Variants in CAST observed in about 807,000 individuals in gnomAD.
CAST encodes the protein MIR583 host.
A neutral mutation model predicts 119.6 loss-of-function variants in CAST; 76 were observed. The ratio of observed to expected loss-of-function variants is 0.64; its 90% confidence interval spans 0.53 to 0.77. The LOEUF (loss-of-function observed/expected upper bound fraction) is 0.77, where lower values mean the gene tolerates loss of function less well. Ranked by LOEUF, CAST falls within the 30% of genes least tolerant of loss-of-function variation. CAST has a pLI of 0.00. For synonymous variants in CAST, 319 were observed against 331.6 expected, an observed-to-expected ratio of 0.96 and a Z score of 0.41; for missense variants, 953 against 946.5, an observed-to-expected ratio of 1.01 and a Z score of -0.09.
chr5:96,081,081 A>G, the CAST span, among the ~76,000 whole-genome samples: 6 of 152,230 alleles, frequency 3.9e-5, no homozygotes, highest in South Asian at 2.1e-4. Flanking sequence ...GATGACTGGG[A>G]TAAATCACCC....
the CAST span, among the ~76,000 whole-genome samples, chr5:96,454,304 A>T: frequency 2.0e-5 from 3 of 152,230 alleles, no homozygotes. Flanking sequence ...TCAAATAACC[A>T]GTCCAAGGTC....
At chr5:96,415,413 A>C in the CAST span, among the ~76,000 whole-genome samples, 2 of 152,200 alleles carry the variant, frequency 1.3e-5, no homozygotes, top group Non-Finnish European at 1.5e-5. Context: ...TTGAGGCTAA[A>C]GGTGATAACA....
At chr5:96,644,745 C>T (rs987926486) in intron 1 of CAST, among the ~76,000 whole-genome samples, 7 of 152,160 alleles carry the variant, frequency 4.6e-5, no homozygotes, top group African/African-American at 1.2e-4. Context: ...GAGGGTGAGG[C>T]GAGTGGACCA....
At chr5:96,554,402 A>T (rs1296216667) in intron 1 of CAST, among the ~76,000 whole-genome samples, 1 of 152,184 alleles carries the variant, frequency 6.6e-6, no homozygotes, top group African/African-American at 2.4e-5. Flanking sequence ...ACAAAAATCA[A>T]CTCAAGATGG....
At chr5:96,629,736 C>A (rs532976722) in intron 1 of CAST, among the ~76,000 whole-genome samples, 1 of 152,214 alleles carries the variant, frequency 6.6e-6, no homozygotes, top group Non-Finnish European at 1.5e-5. Flanking sequence ...GGTTTGTTCA[C>A]CTCCCACCTT....
At chr5:95,986,167 C>T in the CAST span, 1 of 152,188 alleles carries the variant, frequency 6.6e-6, no homozygotes, top group Admixed American at 6.5e-5. Context: ...TATTTGCTAC[C>T]ATCATACTTG....
intron 2 of CAST, among the ~76,000 whole-genome samples, chr5:96,682,378 G>A (rs997046273): frequency 1.3e-5 from 2 of 152,064 alleles, no homozygotes; most frequent in African/African-American, 2.4e-5. Flanking sequence ...TGGTTTCTTT[G>A]TGTCCCCTTC....
At chr5:96,564,926 T>G (rs2150185624) in intron 1 of CAST, among the ~76,000 whole-genome samples, 1 of 152,306 alleles carries the variant, frequency 6.6e-6, no homozygotes, top group South Asian at 2.1e-4. Flanking sequence ...AGTCACCTAT[T>G]CTGCGAAGTA....
rs1375221095 is a variant in CAST at position 96,754,098 on chromosome 5, T to A, written c.1563T>A (p.Ala521=). 6.2e-7 allele frequency: 1 copy of A among 1,613,808 alleles called. No homozygotes were observed. The highest frequency in any genetic ancestry group is 2.2e-5 in the East Asian group (1 of 44,894). The change falls in exon 21 of 32, where the codon GCT becomes GCA. Residue 521 remains alanine, a synonymous_variant. Coordinates refer to ENST00000675179, the MANE Select transcript of CAST (RefSeq NM_001750.7). The part of the protein sequence containing the change: ...TVPDDAVEAL[A]DSLGKKEADP... The stretch of plus-strand genomic sequence containing the variant: ...CAGATGATGCTGTAGAAGCCTTGGC[T>A]GATAGCCTGGGGAAAAAGGAAGCAG...
At chr5:96,014,224 G>A in the CAST span, among the ~76,000 whole-genome samples, 15 of 150,862 alleles carry the variant, frequency 9.9e-5, no homozygotes, top group African/African-American at 3.4e-4. Context: ...GCCTACACGG[G>A]GTCAGGATCA....
chr5:96,707,028 G>A (rs1250101027), intron 3 of CAST, among the ~76,000 whole-genome samples: 2 of 152,182 alleles, frequency 1.3e-5, no homozygotes, highest in Admixed American at 6.5e-5. Flanking sequence ...TCAACCCGAG[G>A]TGCAAAAGTG....
At chr5:96,323,280 C>A in the CAST span, among the ~76,000 whole-genome samples, 1 of 152,184 alleles carries the variant, frequency 6.6e-6, no homozygotes, top group African/African-American at 2.4e-5. Flanking sequence ...ACCTAACCAC[C>A]AGAGTGTCTG....
intron 1 of CAST, among the ~76,000 whole-genome samples, chr5:96,549,404 T>A (rs1746082464): frequency 1.3e-5 from 2 of 152,294 alleles, no homozygotes. Flanking sequence ...TAAAAATAAA[T>A]AAATGTTTAA....
chr5:95,995,392 T>A, the CAST span, among the ~76,000 whole-genome samples: 2 of 152,140 alleles, frequency 1.3e-5, no homozygotes, highest in African/African-American at 4.8e-5. Flanking sequence ...AACTTTAATA[T>A]GATTCATGTA....
At chr5:96,615,994 A>G (rs1747448771) in intron 1 of CAST, among the ~76,000 whole-genome samples, 1 of 152,134 alleles carries the variant, frequency 6.6e-6, no homozygotes, top group Admixed American at 6.5e-5. Flanking sequence ...CAGGAGAAAG[A>G]TGTAGGCTAG....
chr5:96,351,790 A>G, the CAST span, among the ~76,000 whole-genome samples: 1 of 152,196 alleles, frequency 6.6e-6, no homozygotes, highest in Non-Finnish European at 1.5e-5. Flanking sequence ...TACTGCTATA[A>G]AAATGATCAA....
At chr5:96,238,347 A>T in the CAST span, among the ~76,000 whole-genome samples, 85,584 of 118,386 alleles carry the variant, frequency 0.72, 29,209 homozygotes, top group East Asian at 0.82. Context: ...CTTCTTCTTC[A>T]TCTTCATCTT....
intron 29 of CAST, chr5:96,770,311 C>T (rs1339303606): frequency 2.0e-6 from 1 of 509,756 alleles, no homozygotes; most frequent in Non-Finnish European, 3.6e-6. Flanking sequence ...GCATCAATGT[C>T]ACCCACATTT....
At chr5:96,492,449 TC>T in the CAST span, among the ~76,000 whole-genome samples, 2 of 152,232 alleles carry the variant, frequency 1.3e-5, no homozygotes, top group Admixed American at 1.3e-4. Context: ...AAGTTTTGCA[TC>T]CAACTCATAT....
Sources: gnomAD v4.1 joint callset for allele counts (sites outside exome capture counted in the v4.1 genomes callset) on GRCh38, gnomAD v4.1.1 for gene constraint, MANE v1.5 for transcripts, NCBI Gene and HGNC (gene_info 2026-07-23, HGNC 2026-07-21) for gene names.